GPR39: variants seen among roughly 807,000 people sequenced by gnomAD.
GPR39 encodes zinc sensing receptor.
Under a neutral mutation model 18.4 loss-of-function variants are expected in GPR39, and 23 were observed. That is an observed-to-expected ratio of 1.25 (90% CI 0.90 to 1.77). The LOEUF (loss-of-function observed/expected upper bound fraction) is 1.77, where lower values mean the gene tolerates loss of function less well. Among genes scored for constraint, GPR39 ranks in the 40% most tolerant of loss-of-function variants. The pLI, the probability that GPR39 is intolerant of heterozygous loss-of-function variation, is 0.00. For synonymous variants in GPR39, 280 were observed against 257.9 expected (o/e 1.09, Z -0.82); for missense variants, 647 against 602.4 (o/e 1.07, Z -0.78).
At chr2:132,423,158 C>A (rs2104753888) in intron 1 of GPR39, among the ~76,000 whole-genome samples, 1 of 152,012 alleles carries the variant, frequency 6.6e-6, no homozygotes, top group East Asian at 1.9e-4. Flanking sequence ...GCCCTGGGAC[C>A]ACTCAACTGA....
chr2:132,595,321 A>G (rs996921283), intron 1 of GPR39, among the ~76,000 whole-genome samples: 1 of 152,002 alleles, frequency 6.6e-6, no homozygotes, highest in Non-Finnish European at 1.5e-5. Flanking sequence ...GAATAACATT[A>G]GGACTGGCCA....
chr2:132,593,951 T>A (rs969965055), intron 1 of GPR39, among the ~76,000 whole-genome samples: 3 of 152,148 alleles, frequency 2.0e-5, no homozygotes, highest in Non-Finnish European at 4.4e-5. Flanking sequence ...AACTCATTCC[T>A]CCCATCCCGC....
intron 1 of GPR39, among the ~76,000 whole-genome samples, chr2:132,602,784 A>G (rs1361515376): frequency 6.6e-6 from 1 of 152,088 alleles, no homozygotes; most frequent in Non-Finnish European, 1.5e-5. Context: ...GTATATGAAA[A>G]AAATTCAACA....
At chr2:132,568,462 T>C (rs1437286198) in intron 1 of GPR39, among the ~76,000 whole-genome samples, 1 of 151,940 alleles carries the variant, frequency 6.6e-6, no homozygotes, top group Non-Finnish European at 1.5e-5. Flanking sequence ...TCTCAGCACT[T>C]TGGGAGGCTG....
chr2:132,570,987 C>T (rs570150800), intron 1 of GPR39, among the ~76,000 whole-genome samples: 1 of 152,304 alleles, frequency 6.6e-6, no homozygotes, highest in African/African-American at 2.4e-5. Context: ...CTGGGCAGGG[C>T]TTCTGCTCAG....
At chr2:132,586,465 C>G (rs1264612148) in intron 1 of GPR39, among the ~76,000 whole-genome samples, 1 of 152,144 alleles carries the variant, frequency 6.6e-6, no homozygotes, top group Non-Finnish European at 1.5e-5. Flanking sequence ...TTTGCTGTAC[C>G]ATCTGTTGTC....
At chr2:132,638,590 G>A (rs905435714) in intron 1 of GPR39, among the ~76,000 whole-genome samples, 7 of 152,216 alleles carry the variant, frequency 4.6e-5, no homozygotes, top group Non-Finnish European at 1.0e-4. Flanking sequence ...ACCAAGGTTG[G>A]TGCTGATTTG....
intron 1 of GPR39, among the ~76,000 whole-genome samples, chr2:132,558,552 G>A (rs1211346630): frequency 1.3e-5 from 2 of 152,170 alleles, no homozygotes; most frequent in African/African-American, 2.4e-5. Flanking sequence ...CTAATGAGCT[G>A]GGGGCACCGG....
chr2:132,523,374 T>G (rs1158560276), intron 1 of GPR39, among the ~76,000 whole-genome samples: 6 of 152,176 alleles, frequency 3.9e-5, no homozygotes. Context: ...GGTTAACAGA[T>G]GAAAAACTCA....
chr2:132,428,828 A>T (rs1680174562), intron 1 of GPR39, among the ~76,000 whole-genome samples: 1 of 152,242 alleles, frequency 6.6e-6, no homozygotes, highest in Non-Finnish European at 1.5e-5. Context: ...TTGCTCCATG[A>T]CACTTAGACA....
intron 1 of GPR39, among the ~76,000 whole-genome samples, chr2:132,628,872 AAC>A (rs967079606): frequency 3.9e-5 from 6 of 152,068 alleles, no homozygotes; most frequent in African/African-American, 1.5e-4. Context: ...TTTTTCAATA[AAC>A]ACATATTGAG....
chr2:132,645,532 T>TCA lies in GPR39; in HGVS notation c.1290_1291dup (p.Leu431HisfsTer2). 1 of 1,613,962 alleles carries TCA rather than the reference T, an allele frequency of 6.2e-7. No homozygotes were observed. The highest frequency in any genetic ancestry group is 8.5e-7 in the Non-Finnish European group (1 of 1,179,972). On this transcript the variant is annotated frameshift_variant, in exon 2 of 2. Transcript: ENST00000329321. LOFTEE classifies it low-confidence loss of function (END_TRUNC). Reference sequence around the variant, plus strand: ...TAAGTCCCAGTCATTGAGTCTCGAGTCACTAGAGCCCAACTCAGGCGCGAA... The same window carrying TCA: ...TAAGTCCCAGTCATTGAGTCTCGAGTCACACTAGAGCCCAACTCAGGCGCGAA...
intron 1 of GPR39, among the ~76,000 whole-genome samples, chr2:132,489,651 G>T (rs1414067065): frequency 1.3e-5 from 2 of 151,918 alleles, no homozygotes; most frequent in Non-Finnish European, 2.9e-5. Flanking sequence ...AGACACATTT[G>T]TATGATCAGT....
At chr2:132,571,114 C>T (rs911983221) in intron 1 of GPR39, among the ~76,000 whole-genome samples, 31 of 152,220 alleles carry the variant, frequency 2.0e-4, no homozygotes, top group Admixed American at 1.4e-3. Context: ...CTTCCACCTT[C>T]ATCCCCACTC....
Position 132,594,279 on chromosome 2 carries a change from A to G in GPR39, c.857-50822A>G, listed in dbSNP as rs574077006. Reference sequence around the variant, plus strand: ...TAGACACCATTCATTAAAAGGAAACATTGGACTTGACGCTTTCCTGGGTCT... The same window carrying G: ...TAGACACCATTCATTAAAAGGAAACGTTGGACTTGACGCTTTCCTGGGTCT... On this transcript the variant is annotated intron_variant, in intron 1 of 1. Coordinates refer to ENST00000329321, the MANE Select transcript of GPR39 (RefSeq NM_001508.3). Among the ~76,000 whole-genome samples, 22 of 152,124 alleles carry G rather than the reference A, an allele frequency of 1.4e-4. No individual in the cohort carries two copies. The East Asian group carries it at 3.1e-3, about 21-fold the overall frequency.
intron 1 of GPR39, among the ~76,000 whole-genome samples, chr2:132,490,837 G>A (rs768117599): frequency 1.3e-5 from 2 of 150,106 alleles, no homozygotes; most frequent in East Asian, 3.9e-4. Flanking sequence ...GTACTGCTGT[G>A]CAGCAGCAAG....
intron 1 of GPR39, among the ~76,000 whole-genome samples, chr2:132,500,075 T>A (rs12691820): frequency 0.44 from 67,442 of 151,982 alleles, 15,819 homozygotes; most frequent in Non-Finnish European, 0.51. Context: ...GCCCTTTAGT[T>A]CTTTCTCTTG....
At chr2:132,473,347 C>G (rs1334471073) in intron 1 of GPR39, among the ~76,000 whole-genome samples, 1 of 152,198 alleles carries the variant, frequency 6.6e-6, no homozygotes, top group Non-Finnish European at 1.5e-5. Context: ...AGTAAATTAT[C>G]TAAGCCACTT....
At chr2:132,518,431 T>C (rs1679370240) in intron 1 of GPR39, among the ~76,000 whole-genome samples, 1 of 152,218 alleles carries the variant, frequency 6.6e-6, no homozygotes, top group African/African-American at 2.4e-5. Context: ...TTTCTCCAAC[T>C]TGATGAATGT....
Sources: allele counts gnomAD v4.1 joint callset (sites outside exome capture counted in the v4.1 genomes callset), GRCh38; gene constraint gnomAD v4.1.1; transcripts MANE v1.5; gene names NCBI Gene and HGNC (gene_info 2026-07-23, HGNC 2026-07-21).